MBD5: variants seen among roughly 807,000 people sequenced by gnomAD.
MBD5 encodes the protein methyl-CpG-binding domain protein 5.
A neutral mutation model predicts 117.3 loss-of-function variants in MBD5; 13 were observed. The observed-to-expected ratio is 0.11, with a 90% CI of 0.07 to 0.18. MBD5 has a LOEUF of 0.18. Ranked by LOEUF, MBD5 falls within the 10% of genes least tolerant of loss-of-function variation. The probability of loss-of-function intolerance (pLI) is 1.00; values close to 1 mark genes in which losing one functional copy is unlikely to be tolerated. For missense variants in MBD5, 1,879 were observed against 2,093.8 expected (o/e 0.90, Z 2.00); for synonymous variants, 727 against 766.4 (o/e 0.95, Z 0.85).
intron 3 of MBD5, among the ~76,000 whole-genome samples, chr2:148,316,662 A>G (rs184382593): frequency 1.5e-3 from 225 of 152,338 alleles, no homozygotes; most frequent in African/African-American, 5.1e-3. Flanking sequence ...TACTTGGTTC[A>G]TAGTTGATAT....
chr2:148,387,879 C>T (rs527524835), intron 4 of MBD5, among the ~76,000 whole-genome samples: 7 of 152,200 alleles, frequency 4.6e-5, no homozygotes, highest in South Asian at 2.1e-4. Context: ...ATAGTTTATA[C>T]GAATATATTA....
intron 3 of MBD5, among the ~76,000 whole-genome samples, chr2:148,315,857 A>C (rs1454673351): frequency 3.9e-5 from 6 of 152,082 alleles, no homozygotes; most frequent in Non-Finnish European, 2.9e-5. Flanking sequence ...TAATTTTAAC[A>C]CCAGTTTCAT....
At chr2:148,460,786 T>C (rs1437605481) in intron 5 of MBD5, among the ~76,000 whole-genome samples, 1 of 152,208 alleles carries the variant, frequency 6.6e-6, no homozygotes, top group African/African-American at 2.4e-5. Flanking sequence ...TTAATAGAAT[T>C]AAGGAATTCA....
At chr2:148,106,429 CT>C (rs1428430998) in intron 1 of MBD5, among the ~76,000 whole-genome samples, 2 of 151,550 alleles carry the variant, frequency 1.3e-5, no homozygotes, top group African/African-American at 4.8e-5. Flanking sequence ...TCATGAAAAT[CT>C]TTTTCTACTT....
intron 1 of MBD5, among the ~76,000 whole-genome samples, chr2:148,034,143 C>T (rs1377304430): frequency 1.3e-5 from 2 of 151,992 alleles, no homozygotes; most frequent in African/African-American, 2.4e-5. Context: ...TGCAGGGAGC[C>T]GTGATGATGC....
chr2:148,440,090 A>C (rs1307846278), intron 4 of MBD5, among the ~76,000 whole-genome samples: 2 of 152,204 alleles, frequency 1.3e-5, no homozygotes, highest in Non-Finnish European at 2.9e-5. Context: ...TGATCTTACG[A>C]ATTTTTACTA....
intron 1 of MBD5, chr2:148,025,311 T>C (rs1693862757): frequency 6.6e-6 from 1 of 152,154 alleles, no homozygotes; most frequent in Admixed American, 6.5e-5. Flanking sequence ...TGGATACTGT[T>C]AGGTGGAAAA....
At chr2:148,283,634 G>A (rs373021656) in intron 3 of MBD5, among the ~76,000 whole-genome samples, 15 of 152,134 alleles carry the variant, frequency 9.9e-5, no homozygotes, top group South Asian at 4.1e-4. Context: ...TTCACCGATG[G>A]CCCTATTTTA....
chr2:148,472,486 G>A (rs1278581372), intron 8 of MBD5: 4 of 152,024 alleles, frequency 2.6e-5, no homozygotes, highest in South Asian at 2.1e-4. Flanking sequence ...TTATGAAAAC[G>A]GATTGATTCA....
At chr2:148,102,729 C>G (rs11687411) in intron 1 of MBD5, among the ~76,000 whole-genome samples, 1,821 of 102,430 alleles carry the variant, frequency 0.018, 17 homozygotes, top group East Asian at 0.055. Flanking sequence ...CACACACACA[C>G]AGAGAGAGAG....
intron 4 of MBD5, among the ~76,000 whole-genome samples, chr2:148,426,683 T>C (rs1705802107): frequency 6.6e-6 from 1 of 152,110 alleles, no homozygotes; most frequent in Non-Finnish European, 1.5e-5. Context: ...ATGTTAGACC[T>C]AAAACCATCA....
At chr2:148,353,003 G>A (rs1703282833) in intron 4 of MBD5, among the ~76,000 whole-genome samples, 1 of 151,942 alleles carries the variant, frequency 6.6e-6, no homozygotes, top group Non-Finnish European at 1.5e-5. Flanking sequence ...CAAAAGACTT[G>A]GGAAATTCCA....
intron 3 of MBD5, among the ~76,000 whole-genome samples, chr2:148,261,912 G>C (rs1001453588): frequency 1.3e-5 from 2 of 152,170 alleles, no homozygotes; most frequent in African/African-American, 4.8e-5. Flanking sequence ...TGTCTTAGGG[G>C]AGAGGGAGAG....
At chr2:148,106,535 G>C (rs1246732611) in intron 1 of MBD5, among the ~76,000 whole-genome samples, 1 of 151,632 alleles carries the variant, frequency 6.6e-6, no homozygotes, top group African/African-American at 2.4e-5. Context: ...GCTGTATCAT[G>C]ATACATTTAT....
rs917929880 is a variant in MBD5, at chr2:148,436,059, A to G, written c.-556-22144A>G. 3.3e-5 allele frequency among the ~76,000 whole-genome samples: 5 copies of G among 152,204 alleles called. No individual in the cohort carries two copies. The East Asian group carries it at 9.6e-4, about 29-fold the overall frequency. On this transcript the variant is annotated intron_variant, in intron 4 of 13. Transcript: ENST00000642680. Reference sequence around the variant, plus strand: ...CAGAAAATAGCTACATAGGAATGAAATTGCATTTGTAAGTTAAGATACCTA... The same window carrying G: ...CAGAAAATAGCTACATAGGAATGAAGTTGCATTTGTAAGTTAAGATACCTA...
chr2:148,282,357 C>T (rs1701267473), intron 3 of MBD5, among the ~76,000 whole-genome samples: 1 of 152,016 alleles, frequency 6.6e-6, no homozygotes. Context: ...AATTCATGTT[C>T]TCATAGCATG....
chr2:148,258,064 C>G (rs1054766474), intron 3 of MBD5, among the ~76,000 whole-genome samples: 2 of 152,154 alleles, frequency 1.3e-5, no homozygotes, highest in Non-Finnish European at 2.9e-5. Context: ...CTTTTTGTCT[C>G]AGTTATCTCT....
intron 3 of MBD5, among the ~76,000 whole-genome samples, chr2:148,289,057 A>G (rs1701437336): frequency 6.6e-6 from 1 of 152,162 alleles, no homozygotes; most frequent in Admixed American, 6.5e-5. Flanking sequence ...TAAATCTCAT[A>G]TGGTTATTGA....
chr2:148,058,065 G>T (rs759611028), intron 1 of MBD5, among the ~76,000 whole-genome samples: 2 of 151,864 alleles, frequency 1.3e-5, no homozygotes, highest in African/African-American at 2.4e-5. Context: ...TTTAAACATC[G>T]CAATGAATAC....
Sources: gnomAD v4.1 joint callset for allele counts (sites outside exome capture counted in the v4.1 genomes callset) on GRCh38, gnomAD v4.1.1 for gene constraint, MANE v1.5 for transcripts, NCBI Gene and HGNC (gene_info 2026-07-23, HGNC 2026-07-21) for gene names.